Variants in CMIP observed in about 807,000 individuals in gnomAD.
CMIP encodes C-Maf-inducing protein.
Under a neutral mutation model 97.3 loss-of-function variants are expected in CMIP, and 13 were observed. That is an observed-to-expected ratio of 0.13 (90% CI 0.09 to 0.21). The LOEUF (loss-of-function observed/expected upper bound fraction) is 0.21, where lower values mean the gene tolerates loss of function less well. CMIP is among the 10% of genes least tolerant of loss of function. CMIP has a pLI of 1.00. For synonymous variants in CMIP, 538 were observed against 436.3 expected (o/e 1.23, Z -2.91); for missense variants, 847 against 1,024.9 (o/e 0.83, Z 2.37).
At chr16:81,572,392 G>A (rs933228397) in intron 1 of CMIP, among the ~76,000 whole-genome samples, 1 of 152,218 alleles carries the variant, frequency 6.6e-6, no homozygotes, top group Non-Finnish European at 1.5e-5. Context: ...GGGGTAGGGT[G>A]GGGGCGTGCG....
At chr16:81,676,436 G>A (rs2151052228) in intron 9 of CMIP, among the ~76,000 whole-genome samples, 1 of 152,234 alleles carries the variant, frequency 6.6e-6, no homozygotes, top group African/African-American at 2.4e-5. Flanking sequence ...ACCCAGGTTA[G>A]CGTGGCTCTC....
chr16:81,599,125 G>A (rs1402962180), intron 1 of CMIP, among the ~76,000 whole-genome samples: 1 of 152,116 alleles, frequency 6.6e-6, no homozygotes, highest in Non-Finnish European at 1.5e-5. Context: ...CAACTCTGCA[G>A]CCATTGAGAA....
chr16:81,563,799 C>A (rs1016706520), intron 1 of CMIP, among the ~76,000 whole-genome samples: 3 of 152,220 alleles, frequency 2.0e-5, no homozygotes, highest in African/African-American at 7.2e-5. Flanking sequence ...AGAAAAGCTT[C>A]TGCCTTTTAG....
chr16:81,597,721 T>C (rs564849555), intron 1 of CMIP, among the ~76,000 whole-genome samples: 3 of 152,292 alleles, frequency 2.0e-5, no homozygotes, highest in Admixed American at 1.3e-4. Context: ...CCCATTCAGC[T>C]TCCTTTTGGG....
chr16:81,470,843 G>C (rs1563654), intron 1 of CMIP, among the ~76,000 whole-genome samples: 118,246 of 152,118 alleles, frequency 0.78, 46,378 homozygotes, highest in African/African-American at 0.89. Context: ...TTCCTCATGT[G>C]ATCTCTTCGC....
intron 1 of CMIP, among the ~76,000 whole-genome samples, chr16:81,482,493 T>A (rs538074337): frequency 2.3e-4 from 35 of 152,088 alleles, no homozygotes; most frequent in African/African-American, 8.5e-4. Context: ...GAGGGCCTTT[T>A]AAGTCATGGG....
intron 1 of CMIP, among the ~76,000 whole-genome samples, chr16:81,459,977 C>T (rs1418918837): frequency 6.6e-6 from 1 of 152,216 alleles, no homozygotes; most frequent in Non-Finnish European, 1.5e-5. Flanking sequence ...ACTTTGGCCA[C>T]ATCCCAGTGT....
intron 2 of CMIP, 48 bp downstream of exon 2, chr16:81,607,740 T>C: frequency 1.3e-6 from 2 of 1,597,548 alleles, no homozygotes; most frequent in South Asian, 2.2e-5. Flanking sequence ...CTCATCTTCA[T>C]GCACTTGTGC....
intron 1 of CMIP, among the ~76,000 whole-genome samples, chr16:81,569,838 A>G (rs1388305467): frequency 6.6e-6 from 1 of 152,190 alleles, no homozygotes; most frequent in Non-Finnish European, 1.5e-5. Context: ...TGGGAGCAGT[A>G]TTTGCTGCAT....
rs1056720205 is a variant in CMIP at position 81,705,595 on chromosome 16, G to A, written c.2188G>A (p.Ala730Thr). 6.3e-7 allele frequency: 1 copy of A among 1,599,392 alleles called. No homozygotes were observed. The highest frequency in any genetic ancestry group is 1.3e-5 in the African/African-American group (1 of 74,780). Residue 730 changes from alanine to threonine, a missense_variant, in exon 19 of 21, where the codon GCC (alanine) becomes ACC (threonine). Coordinates refer to ENST00000537098, the MANE Select transcript of CMIP (RefSeq NM_198390.3). ...CCCGGTCACAGACGCTGGCCTGCTG[G>A]CCCTGAGCTGTGAGTGCCTCCGGGG... ...ETPVTDAGLL[A>T]LSSMKSLCSL...
chr16:81,526,560 T>C (rs1456822423), intron 1 of CMIP, among the ~76,000 whole-genome samples: 1 of 152,244 alleles, frequency 6.6e-6, no homozygotes, highest in East Asian at 1.9e-4. Flanking sequence ...TGTTACTCCA[T>C]TGGAAATTTT....
chr16:81,682,562 A>G lies in CMIP; in HGVS notation c.1388+3934A>G, dbSNP rs1904977608. Among the ~76,000 whole-genome samples, 3 of 152,010 alleles carry G rather than the reference A, an allele frequency of 2.0e-5. No individual in the cohort carries two copies. In the South Asian group the frequency reaches 6.2e-4, roughly 32 times the overall value. Reference sequence around the variant, plus strand: ...CCTGGGCAACAAGAGCGAGACTCCCATCTCCAAAAAAAAAAAAAAGATGAC... The same window carrying G: ...CCTGGGCAACAAGAGCGAGACTCCCGTCTCCAAAAAAAAAAAAAAGATGAC... On this transcript the variant is annotated intron_variant, in intron 10 of 20. Coordinates refer to ENST00000537098, the MANE Select transcript of CMIP (RefSeq NM_198390.3).
intron 1 of CMIP, among the ~76,000 whole-genome samples, chr16:81,528,586 GC>G (rs2090175560): frequency 6.6e-6 from 1 of 152,148 alleles, no homozygotes; most frequent in South Asian, 2.1e-4. Context: ...TTGAGTTTTG[GC>G]TAATTCTGGT....
chr16:81,578,541 G>A (rs770802757), intron 1 of CMIP, among the ~76,000 whole-genome samples: 3 of 152,166 alleles, frequency 2.0e-5, no homozygotes, highest in Admixed American at 1.3e-4. Context: ...ATCTCATCTC[G>A]GAGCTCACAT....
chr16:81,544,084 G>A (rs2090498176), intron 1 of CMIP, among the ~76,000 whole-genome samples: 1 of 152,200 alleles, frequency 6.6e-6, no homozygotes, highest in Non-Finnish European at 1.5e-5. Flanking sequence ...GCCCAGAAGA[G>A]GGGAAAGGAG....
intron 10 of CMIP, among the ~76,000 whole-genome samples, chr16:81,688,676 T>C (rs1905703264): frequency 6.6e-6 from 1 of 152,198 alleles, no homozygotes; most frequent in African/African-American, 2.4e-5. Flanking sequence ...TTTTTTAATA[T>C]ACTTTAAGTT....
intron 1 of CMIP, among the ~76,000 whole-genome samples, chr16:81,449,224 C>A (rs1372285757): frequency 6.6e-6 from 1 of 152,178 alleles, no homozygotes; most frequent in Admixed American, 6.5e-5. Flanking sequence ...ATTCAGGGGT[C>A]GGGGCACAGG....
chr16:81,701,398 A>G (rs1260549500), intron 15 of CMIP, among the ~76,000 whole-genome samples: 1 of 152,316 alleles, frequency 6.6e-6, no homozygotes, highest in Non-Finnish European at 1.5e-5. Flanking sequence ...CCATGTCCAG[A>G]CACCGCACGG....
intron 1 of CMIP, among the ~76,000 whole-genome samples, chr16:81,511,376 A>C (rs1407883385): frequency 6.6e-6 from 1 of 152,060 alleles, no homozygotes; most frequent in African/African-American, 2.4e-5. Context: ...TGGTTTGCTC[A>C]TTTAAGATTC....
Sources: allele counts gnomAD v4.1 joint callset (sites outside exome capture counted in the v4.1 genomes callset), GRCh38; gene constraint gnomAD v4.1.1; transcripts MANE v1.5; gene names NCBI Gene and HGNC (gene_info 2026-07-23, HGNC 2026-07-21).